The following ZNF267 variants were observed in gnomAD, a reference collection of about 807,000 sequenced individuals.
ZNF267 encodes the protein zinc finger (C2H2).
Under a neutral mutation model 71.6 loss-of-function variants are expected in ZNF267, and 61 were observed. The observed-to-expected ratio is 0.85, with a 90% CI of 0.69 to 1.05. The LOEUF (loss-of-function observed/expected upper bound fraction) is 1.05, where lower values mean the gene tolerates loss of function less well. ZNF267 is among the 50% of genes least tolerant of loss of function. The probability of loss-of-function intolerance (pLI) is 0.00; values close to 1 mark genes in which losing one functional copy is unlikely to be tolerated. For synonymous variants in ZNF267, 288 were observed against 293.2 expected (o/e 0.98, Z 0.18); for missense variants, 852 against 870.0 (o/e 0.98, Z 0.26).
intron 3 of ZNF267, among the ~76,000 whole-genome samples, chr16:31,905,565 C>T (rs1461972889): frequency 6.6e-6 from 1 of 152,152 alleles, no homozygotes; most frequent in African/African-American, 2.4e-5. Flanking sequence ...CCCTTTCTTC[C>T]AGTTGATCGA....
intron 3 of ZNF267, chr16:31,911,892 A>G (rs1274311129): frequency 6.6e-6 from 1 of 151,502 alleles, no homozygotes; most frequent in East Asian, 1.9e-4. Flanking sequence ...TTAACTGCTG[A>G]CAACTTCACA....
intron 3 of ZNF267, among the ~76,000 whole-genome samples, chr16:31,889,166 C>CTT (rs34805719): frequency 1.1e-4 from 16 of 142,654 alleles, no homozygotes; most frequent in South Asian, 2.2e-4. Context: ...AGTCCTCTCT[C>CTT]TTTTTTTTTC....
chr16:31,904,479 G>T (rs2084070559), intron 3 of ZNF267, among the ~76,000 whole-genome samples: 1 of 152,198 alleles, frequency 6.6e-6, no homozygotes, highest in African/African-American at 2.4e-5. Flanking sequence ...CCTGTATGGG[G>T]TACATATATA....
intron 3 of ZNF267, among the ~76,000 whole-genome samples, chr16:31,900,802 TTTATTTTATTA>T (rs2084034836): frequency 6.9e-6 from 1 of 145,294 alleles, no homozygotes; most frequent in South Asian, 2.1e-4. Context: ...TATTTTTTTA[TTTATTTTATTA>T]TTATATTTTA....
intron 3 of ZNF267, among the ~76,000 whole-genome samples, chr16:31,905,377 G>T (rs1483225831): frequency 1.3e-5 from 2 of 152,198 alleles, no homozygotes; most frequent in Non-Finnish European, 2.9e-5. Context: ...ATCCTGCAGA[G>T]TGTTTTCCAA....
At chr16:31,900,750 ATTCT>A (rs1276566290) in intron 3 of ZNF267, among the ~76,000 whole-genome samples, 2 of 112,452 alleles carry the variant, frequency 1.8e-5, no homozygotes, top group South Asian at 5.0e-4. Flanking sequence ...GGCCCCAAGA[ATTCT>A]TTCTTTTTTT....
chr16:31,892,301 G>C (rs2083965595), intron 3 of ZNF267, among the ~76,000 whole-genome samples: 1 of 152,128 alleles, frequency 6.6e-6, no homozygotes, highest in African/African-American at 2.4e-5. Flanking sequence ...ATTGTCACAA[G>C]ATTAGCACAG....
At chr16:31,913,534 G>A (rs7190525) in intron 3 of ZNF267, 13 of 152,262 alleles carry the variant, frequency 8.5e-5, no homozygotes, top group African/African-American at 3.1e-4. Context: ...TGTCTCCTCA[G>A]GGCAGTGAGT....
At chr16:31,899,760 A>G (rs1380117028) in intron 3 of ZNF267, among the ~76,000 whole-genome samples, 2 of 152,224 alleles carry the variant, frequency 1.3e-5, no homozygotes, top group Non-Finnish European at 2.9e-5. Flanking sequence ...TCTAATGCCT[A>G]GTTATTGGTT....
chr16:31,905,293 T>G (rs1321030832), intron 3 of ZNF267, among the ~76,000 whole-genome samples: 2 of 152,214 alleles, frequency 1.3e-5, no homozygotes, highest in African/African-American at 4.8e-5. Flanking sequence ...GGAGTATCTT[T>G]GTGGCATTCT....
rs767255272 is a variant in ZNF267, at chr16:31,916,436, A to T, written c.2187A>T (p.Ser729=). The T allele has an allele frequency of 1.2e-6, 2 of 1,614,070 alleles. No homozygotes were observed. The highest frequency in any genetic ancestry group is 1.7e-6 in the Non-Finnish European group (2 of 1,179,962). ...GTGGCAAAGCCTTTAACTCTAGGTC[A>T]TACCTCATTGCACATCAGAGAAGTC... ...EECGKAFNSR[S]YLIAHQRSHT... The change falls in exon 4 of 4, where the codon TCA becomes TCT. Residue 729 remains serine, a synonymous_variant. Transcript: ENST00000300870.
chr16:31,904,671 A>G (rs1209537567), intron 3 of ZNF267, among the ~76,000 whole-genome samples: 22 of 152,172 alleles, frequency 1.4e-4, no homozygotes, highest in Non-Finnish European at 2.6e-4. Flanking sequence ...TTTTGAGCCT[A>G]TATGTGTCTC....
At chr16:31,893,596 A>G (rs549135378) in intron 3 of ZNF267, among the ~76,000 whole-genome samples, 16 of 152,312 alleles carry the variant, frequency 1.1e-4, no homozygotes, top group Non-Finnish European at 2.1e-4. Context: ...TAGGTTACAG[A>G]GCTGCTTTAA....
chr16:31,875,167 C>G lies in ZNF267; in HGVS notation c.3+1198C>G, dbSNP rs1358003712. ...AACTTTACAGGGCCCTGTATAGCCA[C>G]CCTCTATCCAGTCTTTTCCTGTTCC... is the stretch of plus-strand genomic sequence containing the variant. On this transcript the variant is annotated intron_variant, in intron 1 of 3. Coordinates refer to ENST00000300870, the MANE Select transcript of ZNF267 (RefSeq NM_003414.6). 5 of 1,289,176 alleles carry G rather than the reference C, an allele frequency of 3.9e-6. No individual in the cohort carries two copies. The South Asian group carries it at 4.9e-5, about 13-fold the overall frequency. The allele number at this position is 1,289,176 out of a possible 1,614,324, so 79.9% of individuals were successfully genotyped here. A position where few individuals can be genotyped will look rare whatever the true frequency, so the allele number is the denominator to read the frequency against.
rs138772773 is a variant in ZNF267 at position 31,875,378 on chromosome 16, C to G, written c.3+1409C>G. 176 of 1,203,314 alleles carry G rather than the reference C, an allele frequency of 1.5e-4. No homozygotes were observed. The African/African-American group carries it at 2.6e-3, about 18-fold the overall frequency. 74.5% of individuals were successfully genotyped at this position (1,203,314 alleles called of 1,614,324 possible). ...AGAAATCTCCTGGGACACCCTTAAC[C>G]TAAAAAGATAACCCCTTGGGACATA... On this transcript the variant is annotated intron_variant, in intron 1 of 3. Coordinates refer to ENST00000300870, the MANE Select transcript of ZNF267 (RefSeq NM_003414.6).
At position 31,915,409 on chromosome 16, in the gene ZNF267, A is replaced by G. The variant is rs1344252256; in HGVS notation, c.1160A>G (p.Lys387Arg). 90 of 1,613,708 alleles carry G rather than the reference A, an allele frequency of 5.6e-5. No homozygotes were observed. The highest frequency in any genetic ancestry group is 7.4e-5 in the Non-Finnish European group (87 of 1,179,902). The change falls in exon 4 of 4, where the codon AAA (lysine) becomes AGA (arginine). Residue 387 changes from lysine to arginine, a missense_variant. Physicochemically the swap from Lys to Arg is conservative, Grantham distance 26. Coordinates refer to ENST00000300870, the MANE Select transcript of ZNF267 (RefSeq NM_003414.6). ...ENLYKCKACS[K>R]SFTRSSNLIV... ...CTTTACAAATGTAAAGCATGTAGCAAATCTTTTACTCGTTCCTCCAATCTT... is the reference window on the plus strand; with the variant it reads ...CTTTACAAATGTAAAGCATGTAGCAGATCTTTTACTCGTTCCTCCAATCTT...
chr16:31,891,996 T>A (rs961814750), intron 3 of ZNF267, among the ~76,000 whole-genome samples: 3 of 152,164 alleles, frequency 2.0e-5, no homozygotes, highest in Non-Finnish European at 4.4e-5. Context: ...TTGAATGGTT[T>A]TGACCAAAAT....
At chr16:31,903,785 C>A (rs1426574720) in intron 3 of ZNF267, among the ~76,000 whole-genome samples, 1 of 152,072 alleles carries the variant, frequency 6.6e-6, no homozygotes, top group South Asian at 2.1e-4. Flanking sequence ...TCTCTGTTTC[C>A]TTCAGTTCTG....
chr16:31,885,835 A>C (rs567540615), intron 3 of ZNF267, among the ~76,000 whole-genome samples: 4 of 151,804 alleles, frequency 2.6e-5, no homozygotes, highest in Non-Finnish European at 5.9e-5. Flanking sequence ...TTTCACTTCA[A>C]CTTCTCATTT....
Sources: gnomAD v4.1 joint callset for allele counts (sites outside exome capture counted in the v4.1 genomes callset) on GRCh38, gnomAD v4.1.1 for gene constraint, MANE v1.5 for transcripts, NCBI Gene and HGNC (gene_info 2026-07-23, HGNC 2026-07-21) for gene names.